DAPK1: variants seen among roughly 807,000 people sequenced by gnomAD.
The protein encoded by DAPK1 is death-associated protein kinase 1.
A neutral mutation model predicts 144.9 loss-of-function variants in DAPK1; 56 were observed. That is an observed-to-expected ratio of 0.39 (90% confidence interval 0.31 to 0.48). The LOEUF (loss-of-function observed/expected upper bound fraction) is 0.48, where lower values mean the gene tolerates loss of function less well. Ranked by LOEUF, DAPK1 falls within the 20% of genes least tolerant of loss-of-function variation. The probability of loss-of-function intolerance (pLI) is 0.95; values close to 1 mark genes in which losing one functional copy is unlikely to be tolerated. For synonymous variants in DAPK1, 690 were observed against 749.0 expected (o/e 0.92, Z 1.29); for missense variants, 1,454 against 1,875.4 (o/e 0.78, Z 4.15).
At position 87,547,600 on chromosome 9, in the gene DAPK1, T is replaced by C. The variant is rs1447584343; in HGVS notation, c.62+48461T>C. 1.4e-4 allele frequency among the ~76,000 whole-genome samples: 21 copies of C among 146,922 alleles called. No individual in the cohort carries two copies. In the East Asian group the frequency reaches 2.9e-3, roughly 20 times the overall value. The stretch of plus-strand genomic sequence containing the variant: ...GAGAGTGTGTGTGTGTGTGTGTGTG[T>C]GTGTGCGTGTGTGTAGAGGAGGGGA... On this transcript the variant is annotated intron_variant, in intron 2 of 25. Coordinates refer to ENST00000408954, the MANE Select transcript of DAPK1 (RefSeq NM_004938.4).
At chr9:87,573,832 G>A (rs1418415675) in intron 2 of DAPK1, among the ~76,000 whole-genome samples, 1 of 152,172 alleles carries the variant, frequency 6.6e-6, no homozygotes, top group Non-Finnish European at 1.5e-5. Flanking sequence ...ATTATTTTGA[G>A]TTTTGAAGGT....
At chr9:87,547,015 G>C (rs1399930777) in intron 2 of DAPK1, among the ~76,000 whole-genome samples, 1 of 152,078 alleles carries the variant, frequency 6.6e-6, no homozygotes, top group Non-Finnish European at 1.5e-5. Context: ...AAATTAGCCG[G>C]GTGTGTTGGC....
At chr9:87,561,331 C>T (rs1275759765) in intron 2 of DAPK1, among the ~76,000 whole-genome samples, 1 of 152,070 alleles carries the variant, frequency 6.6e-6, no homozygotes, top group Non-Finnish European at 1.5e-5. Flanking sequence ...TCGAGACCAG[C>T]CTGGCTAACA....
chr9:87,706,807 C>T lies in DAPK1; in HGVS notation c.3736C>T (p.His1246Tyr). 1 of 1,613,618 alleles carries T rather than the reference C, an allele frequency of 6.2e-7. No homozygotes were observed. Among genetic ancestry groups the T allele is most frequent in the Non-Finnish European group, 8.5e-7 (1 of 1,179,930 alleles). Residue 1246 changes from histidine (H) to tyrosine (Y), a missense_variant, in exon 26 of 26, where the codon CAT (histidine) becomes TAT (tyrosine). Transcript: ENST00000408954. The surrounding 1 kb of genome is among the most constrained non-coding windows in gnomAD (Gnocchi z 9.0). ...YLSPQQLREH[H>Y]EPVMIYQPRD... ...GAGCCCCCAGCAGCTGCGGGAGCAC[C>T]ATGAGCCCGTCATGATCTACCAGCC...
chr9:87,562,349 C>T (rs1246403046), intron 2 of DAPK1, among the ~76,000 whole-genome samples: 2 of 152,202 alleles, frequency 1.3e-5, no homozygotes, highest in African/African-American at 4.8e-5. Flanking sequence ...GTAATGAAGC[C>T]TCCACTGTGT....
Position 87,637,927 on chromosome 9 carries a change from G to GAT in DAPK1, c.285-16_285-15insAT. 1.2e-6 allele frequency: 2 copies of GAT among 1,612,462 alleles called. No homozygotes were observed. The highest frequency in any genetic ancestry group is 8.5e-7 in the Non-Finnish European group (1 of 1,178,856). On this transcript the variant is annotated splice_polypyrimidine_tract_variant and intron_variant, in intron 3 of 25. Transcript: ENST00000408954. Reference sequence around the variant, plus strand: ...AACAGAGTTGTTACCAATAACCTCTGCTTCCGGGTTCTCAGCGTTGCAGGT... The same window carrying GAT: ...AACAGAGTTGTTACCAATAACCTCTGATCTTCCGGGTTCTCAGCGTTGCAGGT...
intron 2 of DAPK1, among the ~76,000 whole-genome samples, chr9:87,545,783 G>A (rs1346381214): frequency 2.0e-5 from 3 of 151,914 alleles, no homozygotes; most frequent in Non-Finnish European, 4.4e-5. Context: ...GACCTCAGGT[G>A]ATCCACCCGC....
intron 2 of DAPK1, among the ~76,000 whole-genome samples, chr9:87,549,451 A>G (rs1482496458): frequency 2.0e-5 from 3 of 152,194 alleles, no homozygotes. Flanking sequence ...GGGGTTATAT[A>G]GTAATGAGAT....
intron 2 of DAPK1, among the ~76,000 whole-genome samples, chr9:87,595,698 G>A (rs1828290166): frequency 1.3e-5 from 2 of 152,184 alleles, no homozygotes; most frequent in Non-Finnish European, 2.9e-5. Flanking sequence ...TTGTCCTTGG[G>A]AGGATGCTTT....
At chr9:87,563,391 C>G (rs927167933) in intron 2 of DAPK1, among the ~76,000 whole-genome samples, 1 of 152,162 alleles carries the variant, frequency 6.6e-6, no homozygotes, top group Admixed American at 6.5e-5. Flanking sequence ...GTGTGAACAC[C>G]TGCACTAACA....
At chr9:87,616,837 T>A (rs2119018539) in intron 3 of DAPK1, among the ~76,000 whole-genome samples, 1 of 152,320 alleles carries the variant, frequency 6.6e-6, no homozygotes, top group Admixed American at 6.5e-5. Flanking sequence ...GAAACTGTTC[T>A]CCTTTTCTGT....
chr9:87,516,096 C>A (rs1460977748), intron 2 of DAPK1, among the ~76,000 whole-genome samples: 1 of 152,158 alleles, frequency 6.6e-6, no homozygotes, highest in Admixed American at 6.5e-5. Flanking sequence ...TGAATGTGGC[C>A]TCTTGCTGTT....
chr9:87,600,974 G>A (rs531116596), intron 2 of DAPK1, among the ~76,000 whole-genome samples: 4 of 152,240 alleles, frequency 2.6e-5, no homozygotes, highest in South Asian at 4.1e-4. Context: ...GAGGGCACAC[G>A]ATTTAGGAAT....
At chr9:87,643,506 C>A in intron 11 of DAPK1, 38 bp downstream of exon 11, 1 of 1,262,068 alleles carries the variant, frequency 7.9e-7, no homozygotes, top group Non-Finnish European at 1.1e-6. Flanking sequence ...CCTTTCTTAG[C>A]ACTGGGTACT....
intron 2 of DAPK1, among the ~76,000 whole-genome samples, chr9:87,565,528 C>G (rs1394056506): frequency 6.6e-6 from 1 of 152,112 alleles, no homozygotes; most frequent in Non-Finnish European, 1.5e-5. Flanking sequence ...TAGTATGGCA[C>G]TAACTCAGGT....
chr9:87,566,061 C>T (rs1214473479), intron 2 of DAPK1, among the ~76,000 whole-genome samples: 5 of 148,634 alleles, frequency 3.4e-5, no homozygotes, highest in African/African-American at 1.3e-4. Context: ...TGCTCTGTGG[C>T]CCAGGCTGGA....
intron 2 of DAPK1, among the ~76,000 whole-genome samples, chr9:87,504,101 A>G (rs564333488): frequency 1.3e-5 from 2 of 152,258 alleles, no homozygotes; most frequent in African/African-American, 2.4e-5. Flanking sequence ...TTTTTTCTTC[A>G]GAAATGGGAA....
At chr9:87,550,899 A>G (rs1158897777) in intron 2 of DAPK1, among the ~76,000 whole-genome samples, 1 of 152,162 alleles carries the variant, frequency 6.6e-6, no homozygotes, top group Non-Finnish European at 1.5e-5. Flanking sequence ...TTTTTGCACA[A>G]GTGTTTCTGT....
chr9:87,571,491 A>AC (rs1244744364), intron 2 of DAPK1, among the ~76,000 whole-genome samples: 2 of 44,938 alleles, frequency 4.5e-5, no homozygotes, highest in African/African-American at 1.2e-4. Flanking sequence ...ACACACACAC[A>AC]CACCCCAACA....
Sources: gnomAD v4.1 joint callset for allele counts (sites outside exome capture counted in the v4.1 genomes callset) on GRCh38, gnomAD v4.1.1 for gene constraint, Gnocchi (gnomAD v3.1) non-coding constraint, MANE v1.5 for transcripts, NCBI Gene and HGNC (gene_info 2026-07-23, HGNC 2026-07-21) for gene names.